SPIDR: variants seen among roughly 807,000 people sequenced by gnomAD.
SPIDR encodes scaffold protein involved in DNA repair, also known as DNA repair-scaffolding protein.
A neutral mutation model predicts 104.6 loss-of-function variants in SPIDR; 93 were observed. The ratio of observed to expected loss-of-function variants is 0.89; its 90% CI spans 0.75 to 1.06. The LOEUF is 1.06. SPIDR is among the 50% of genes least tolerant of loss of function. The pLI, the probability that SPIDR is intolerant of heterozygous loss-of-function variation, is 0.00. For missense variants in SPIDR, 1,154 were observed against 1,111.2 expected, an observed-to-expected ratio of 1.04 and a Z score of -0.55; for synonymous variants, 431 against 416.9, an observed-to-expected ratio of 1.03 and a Z score of -0.41.
At chr8:47,305,032 T>C (rs2042886065) in intron 5 of SPIDR, among the ~76,000 whole-genome samples, 2 of 152,252 alleles carry the variant, frequency 1.3e-5, no homozygotes, top group Non-Finnish European at 2.9e-5. Context: ...CACCTTGATA[T>C]TGGAATTTTC....
chr8:47,390,496 A>AG (rs1554651116), intron 5 of SPIDR, among the ~76,000 whole-genome samples: 4 of 151,472 alleles, frequency 2.6e-5, no homozygotes, highest in Non-Finnish European at 5.9e-5. Context: ...AAAAAAAAAA[A>AG]GCAGATAATA....
intron 5 of SPIDR, among the ~76,000 whole-genome samples, chr8:47,312,254 C>G (rs1363439183): frequency 6.6e-6 from 1 of 152,098 alleles, no homozygotes; most frequent in African/African-American, 2.4e-5. Context: ...ATGGCTGGGT[C>G]AAATGGTATT....
chr8:47,478,287 C>T (rs528491808), intron 8 of SPIDR, among the ~76,000 whole-genome samples: 2 of 152,070 alleles, frequency 1.3e-5, no homozygotes, highest in African/African-American at 4.8e-5. Flanking sequence ...GTGGTGACAG[C>T]GTGGTGGGGA....
At chr8:47,664,419 C>A (rs2074593161) in intron 10 of SPIDR, among the ~76,000 whole-genome samples, 1 of 152,034 alleles carries the variant, frequency 6.6e-6, no homozygotes, top group African/African-American at 2.4e-5. Context: ...CTAAAGGAAA[C>A]CATGTCTAAA....
intron 5 of SPIDR, among the ~76,000 whole-genome samples, chr8:47,343,472 A>G (rs1190183309): frequency 6.6e-6 from 1 of 152,226 alleles, no homozygotes; most frequent in Non-Finnish European, 1.5e-5. Flanking sequence ...TCAGTGAGAC[A>G]GAACTTACGG....
At chr8:47,649,819 A>C (rs2071273881) in intron 10 of SPIDR, among the ~76,000 whole-genome samples, 1 of 152,252 alleles carries the variant, frequency 6.6e-6, no homozygotes, top group African/African-American at 2.4e-5. Context: ...AGGTCAATAA[A>C]TATGATACAT....
chr8:47,340,839 CATCAGTGTCTGGAG>C (rs1221366268), intron 5 of SPIDR, among the ~76,000 whole-genome samples: 2 of 152,180 alleles, frequency 1.3e-5, no homozygotes, highest in African/African-American at 4.8e-5. Flanking sequence ...TTAGCAAACA[CATCAGTGTCTGGAG>C]ACTGATGCAT....
intron 1 of SPIDR, among the ~76,000 whole-genome samples, chr8:47,278,356 GT>G (rs1279647774): frequency 1.3e-5 from 2 of 148,340 alleles, no homozygotes; most frequent in Non-Finnish European, 3.0e-5. Flanking sequence ...ATCTTGCTCT[GT>G]CACCCAGGCT....
chr8:47,321,050 C>T (rs1554594909), intron 5 of SPIDR, among the ~76,000 whole-genome samples: 1 of 152,178 alleles, frequency 6.6e-6, no homozygotes, highest in East Asian at 1.9e-4. Flanking sequence ...GGGATGCCCT[C>T]TCTCACCGCT....
At chr8:47,604,058 G>A (rs2062643559) in intron 10 of SPIDR, among the ~76,000 whole-genome samples, 1 of 152,178 alleles carries the variant, frequency 6.6e-6, no homozygotes, top group African/African-American at 2.4e-5. Flanking sequence ...CTGGAGCATA[G>A]TTCTAGTGGG....
chr8:47,403,789 A>G (rs2062281187), intron 6 of SPIDR, among the ~76,000 whole-genome samples: 2 of 152,384 alleles, frequency 1.3e-5, no homozygotes, highest in Admixed American at 6.5e-5. Context: ...AAGGTAATTT[A>G]TAGATTCAAT....
At chr8:47,484,705 T>C (rs377586449) in intron 8 of SPIDR, among the ~76,000 whole-genome samples, 19 of 152,192 alleles carry the variant, frequency 1.2e-4, no homozygotes, top group African/African-American at 3.9e-4. Context: ...TAGAAAAGAA[T>C]TGTTATAAAA....
intron 11 of SPIDR, among the ~76,000 whole-genome samples, chr8:47,697,333 T>G (rs1316788260): frequency 6.6e-6 from 1 of 152,156 alleles, no homozygotes; most frequent in East Asian, 1.9e-4. Context: ...ATATTTATTT[T>G]TATGGTAAAT....
chr8:47,325,025 T>A lies in SPIDR; in HGVS notation c.525+30995T>A, dbSNP rs185060513. 3.9e-5 allele frequency among the ~76,000 whole-genome samples: 6 copies of A among 152,282 alleles called. No homozygotes were observed. The East Asian group carries it at 1.2e-3, about 29-fold the overall frequency. On this transcript the variant is annotated intron_variant, in intron 5 of 19. Coordinates refer to ENST00000297423, the MANE Select transcript of SPIDR (RefSeq NM_001080394.4). ...AGTCAGATTGGATTAGGGCCCACCC[T>A]AACGGCAGCATTTTAACATTCACTT...
At chr8:47,265,212 G>A (rs2033672358) in intron 1 of SPIDR, among the ~76,000 whole-genome samples, 1 of 117,194 alleles carries the variant, frequency 8.5e-6, no homozygotes, top group Non-Finnish European at 1.6e-5. Context: ...TTTTTTTTGA[G>A]ACAGTCTTAC....
chr8:47,498,612 G>T (rs183214585), intron 8 of SPIDR, among the ~76,000 whole-genome samples: 25 of 152,084 alleles, frequency 1.6e-4, no homozygotes, highest in South Asian at 2.1e-4. Context: ...GTTACTGCTG[G>T]TATATCCTAG....
Position 47,732,979 on chromosome 8 carries a change from T to C in SPIDR, c.2605-2328T>C, listed in dbSNP as rs577589372. On this transcript the variant is annotated intron_variant, in intron 19 of 19. Transcript: ENST00000297423. Reference sequence around the variant, plus strand: ...AAGTTAAAGGAACATATATAGTGATTTTTTAAAAGAGAGCACATTTTACAC... The same window carrying C: ...AAGTTAAAGGAACATATATAGTGATCTTTTAAAAGAGAGCACATTTTACAC... Among the ~76,000 whole-genome samples the C allele has an allele frequency of 5.9e-5, 9 of 152,350 alleles. No homozygotes were observed. In the South Asian group the frequency reaches 8.3e-4, roughly 14 times the overall value.
intron 5 of SPIDR, among the ~76,000 whole-genome samples, chr8:47,378,718 T>A (rs570934107): frequency 6.6e-6 from 1 of 152,332 alleles, no homozygotes; most frequent in Admixed American, 6.5e-5. Flanking sequence ...TTTGCTCAAG[T>A]TTGATTATTT....
intron 8 of SPIDR, among the ~76,000 whole-genome samples, chr8:47,558,354 C>T (rs963631442): frequency 1.3e-5 from 2 of 151,992 alleles, no homozygotes; most frequent in African/African-American, 4.8e-5. Flanking sequence ...AAGAAAACAG[C>T]CAGGTTGGGT....
Sources: gnomAD v4.1 joint callset for allele counts (sites outside exome capture counted in the v4.1 genomes callset) on GRCh38, gnomAD v4.1.1 for gene constraint, MANE v1.5 for transcripts, NCBI Gene and HGNC (gene_info 2026-07-23, HGNC 2026-07-21) for gene names.